Variants in ASIC1 observed in about 807,000 individuals in gnomAD.
ASIC1 encodes the protein acid sensing ion channel subunit 1.
ASIC1 carries 21 observed loss-of-function variants against 63.4 expected under a neutral mutation model. The ratio of observed to expected loss-of-function variants is 0.33; its 90% CI spans 0.23 to 0.48. The LOEUF (loss-of-function observed/expected upper bound fraction) is 0.48, where lower values mean the gene tolerates loss of function less well. Ranked by LOEUF, ASIC1 falls within the 20% of genes least tolerant of loss-of-function variation. The pLI, the probability that ASIC1 is intolerant of heterozygous loss-of-function variation, is 0.99. For missense variants in ASIC1, 478 were observed against 695.5 expected (o/e 0.69, Z 3.52); for synonymous variants, 258 against 278.2 (o/e 0.93, Z 0.72).
At chr12:50,075,411 A>G (rs368402945) in intron 3 of ASIC1, among the ~76,000 whole-genome samples, 2 of 152,210 alleles carry the variant, frequency 1.3e-5, no homozygotes, top group Non-Finnish European at 2.9e-5. Context: ...GGCGCAAGAC[A>G]GGGCTGCTAG....
chr12:50,073,660 G>T (rs1053497326), intron 3 of ASIC1: 1 of 1,536,278 alleles, frequency 6.5e-7, no homozygotes, highest in African/African-American at 1.4e-5. Flanking sequence ...AGATATTTGG[G>T]GTCCCCACCA....
At chr12:50,070,214 A>G (rs965490277) in intron 3 of ASIC1, among the ~76,000 whole-genome samples, 4 of 152,182 alleles carry the variant, frequency 2.6e-5, no homozygotes, top group Non-Finnish European at 5.9e-5. Context: ...GCACCTCTCC[A>G]GGGGCCCTCT....
At chr12:50,070,355 GGT>G (rs139562888) in intron 3 of ASIC1, among the ~76,000 whole-genome samples, 2 of 151,694 alleles carry the variant, frequency 1.3e-5, no homozygotes, top group Non-Finnish European at 1.5e-5. Context: ...CATGCAGTTG[GGT>G]GTGTGTGTGT....
At chr12:50,062,550 C>T (rs927524075) in intron 3 of ASIC1, among the ~76,000 whole-genome samples, 2 of 152,220 alleles carry the variant, frequency 1.3e-5, no homozygotes, top group Non-Finnish European at 2.9e-5. Flanking sequence ...GGGCCCCATC[C>T]AACAGGATTG....
rs1950629100 is a variant in ASIC1 at position 50,074,141 on chromosome 12, T to C, written c.559-3072T>C. ...CCTGAGGCCTTCTCTGGGGAGCCCT[T>C]TAACCTGCACCGCTTCTACAATCGC... On this transcript the variant is annotated intron_variant, in intron 3 of 11. Transcript: ENST00000447966. The surrounding 1 kb of genome is among the most constrained non-coding windows in gnomAD (Gnocchi z 4.2). 6.5e-7 allele frequency: 1 copy of C among 1,535,590 alleles called. No individual in the cohort carries two copies. Among genetic ancestry groups the C allele is most frequent in the Admixed American group, 2.0e-5 (1 of 50,952 alleles).
chr12:50,081,348 A>T lies in ASIC1; in HGVS notation c.1466A>T (p.Asp489Val). 6.2e-7 allele frequency: 1 copy of T among 1,605,986 alleles called. No individual in the cohort carries two copies. Among genetic ancestry groups the T allele is most frequent in the Non-Finnish European group, 8.5e-7 (1 of 1,176,344 alleles). The change falls in exon 11 of 12, where the codon GAC becomes GTC. Residue 489 changes from aspartate (D) to valine (V), a missense_variant. By Grantham distance (152) the Asp-to-Val change is radical. Transcript: ENST00000447966. The part of the protein sequence containing the change: ...SADKGVALSL[D>V]DVKRHNPCES... ...GACAAGGGCGTGGCCCTCAGCCTGGACGACGTCAAAAGACACGTGAGGGAG... is the reference window on the plus strand; with the variant it reads ...GACAAGGGCGTGGCCCTCAGCCTGGTCGACGTCAAAAGACACGTGAGGGAG...
At chr12:50,073,829 A>C in intron 3 of ASIC1, 1 of 1,531,154 alleles carries the variant, frequency 6.5e-7, no homozygotes. Context: ...ATTTTTGTGG[A>C]GGGGGGTCCA....
At chr12:50,067,410 G>GTTTTTTTTTTTTTTTTTTTTT (rs35238318) in intron 3 of ASIC1, among the ~76,000 whole-genome samples, 1 of 134,200 alleles carries the variant, frequency 7.5e-6, no homozygotes. Context: ...TTCTGCTGTT[G>GTTTTTTTTTTTTTTTTTTTTT]TTTTTTTTTT....
chr12:50,080,607 C>A lies in ASIC1; in HGVS notation c.1297+18C>A, dbSNP rs748304212. 2.5e-6 allele frequency: 4 copies of A among 1,614,212 alleles called. No individual in the cohort carries two copies. The highest frequency in any genetic ancestry group is 3.4e-6 in the Non-Finnish European group (4 of 1,180,034). Reference sequence around the variant, plus strand: ...GCTCCTGGGTGAGCTGCTGATGACACCTGTCCCCTTCTCATGCCATGGGCA... The same window carrying A: ...GCTCCTGGGTGAGCTGCTGATGACAACTGTCCCCTTCTCATGCCATGGGCA... On this transcript the variant is annotated intron_variant, in intron 9 of 11. Transcript: ENST00000447966.
Position 50,078,672 on chromosome 12 carries a change from C to A in ASIC1, c.994+95C>A. On this transcript the variant is annotated intron_variant, in intron 6 of 11. Coordinates refer to ENST00000447966, the MANE Select transcript of ASIC1 (RefSeq NM_001095.4). The surrounding 1 kb of genome is among the most constrained non-coding windows in gnomAD (Gnocchi z 6.0). ...CCATATCAATCTCCCAACCCCAGTT[C>A]CAGCCCACCCCATCCCACACCCACC... 1 of 1,542,814 alleles carries A rather than the reference C, an allele frequency of 6.5e-7. No homozygotes were observed. Among genetic ancestry groups the A allele is most frequent in the South Asian group, 1.2e-5 (1 of 85,430 alleles).
intron 3 of ASIC1, among the ~76,000 whole-genome samples, chr12:50,070,407 C>CGT (rs139101187): frequency 3.2e-4 from 48 of 149,522 alleles, no homozygotes; most frequent in Non-Finnish European, 5.8e-4. Context: ...TGTGTTGGGG[C>CGT]GTGTGTGTGT....
Position 50,081,585 on chromosome 12 carries a change from C to A in ASIC1, c.1523C>A (p.Thr508Lys), listed in dbSNP as rs765439919. The A allele has an allele frequency of 1.8e-5, 29 of 1,614,052 alleles. No individual in the cohort carries two copies. Among genetic ancestry groups the A allele is most frequent in the Non-Finnish European group, 2.3e-5 (27 of 1,180,026 alleles). Residue 508 changes from threonine (T) to lysine (K), a missense_variant, in exon 12 of 12, where the codon ACA (threonine) becomes AAA (lysine). Thr to Lys is a moderately conservative substitution (Grantham distance 78). Transcript: ENST00000447966. Reference protein sequence around the residue: ...ESLRGHPAGMTYAANILPHHP... With the variant: ...ESLRGHPAGMKYAANILPHHP... The stretch of plus-strand genomic sequence containing the variant: ...CTTCGGGGCCACCCTGCCGGGATGA[C>A]ATACGCTGCCAACATCCTACCTCAC...
rs1267210505 is a variant in ASIC1 at position 50,059,269 on chromosome 12, G to A, written c.362+141G>A. On this transcript the variant is annotated intron_variant, in intron 2 of 11. Coordinates refer to ENST00000447966, the MANE Select transcript of ASIC1 (RefSeq NM_001095.4). The surrounding 1 kb of genome is among the most constrained non-coding windows in gnomAD (Gnocchi z 4.6). Reference sequence around the variant, plus strand: ...CCCACCCCCAAACCTGCCACTCACAGCAGAGGAGTTAGGGTGCTGCTGAGC... The same window carrying A: ...CCCACCCCCAAACCTGCCACTCACAACAGAGGAGTTAGGGTGCTGCTGAGC... The A allele has an allele frequency of 2.4e-6, 3 of 1,260,668 alleles. No individual in the cohort carries two copies. The highest frequency in any genetic ancestry group is 3.2e-6 in the Non-Finnish European group (3 of 928,666). 78.1% of individuals were successfully genotyped at this position (1,260,668 alleles called of 1,614,324 possible).
chr12:50,073,428 C>T, intron 3 of ASIC1: 1 of 1,391,746 alleles, frequency 7.2e-7, no homozygotes, highest in East Asian at 2.5e-5. Flanking sequence ...GCCACAGAGG[C>T]CCTGGTGAGG....
intron 3 of ASIC1, among the ~76,000 whole-genome samples, chr12:50,067,538 T>TAGCTGGATTAC (rs1950557716): frequency 6.6e-6 from 1 of 151,872 alleles, no homozygotes; most frequent in Non-Finnish European, 1.5e-5. Context: ...GCCTCCTGAG[T>TAGCTGGATTAC]AGCTGGATTA....
At chr12:50,076,683 CT>C (rs1950658405) in intron 3 of ASIC1, 2 of 232,692 alleles carry the variant, frequency 8.6e-6, no homozygotes, top group South Asian at 5.4e-5. Context: ...TAATTGAAGA[CT>C]TTAACAAAGG....
At position 50,074,745 on chromosome 12, in the gene ASIC1, A is replaced by G. The variant is rs987549812; in HGVS notation, c.559-2468A>G. On this transcript the variant is annotated intron_variant, in intron 3 of 11. Transcript: ENST00000447966. The surrounding 1 kb of genome is among the most constrained non-coding windows in gnomAD (Gnocchi z 4.2). ...AGGGTGACAGTAGAGGGGTGGGGAT[A>G]TCCCCCAACCCCACCCCACCATGGC... Among the ~76,000 whole-genome samples, 31 of 151,908 alleles carry G rather than the reference A, an allele frequency of 2.0e-4. No individual in the cohort carries two copies. Among genetic ancestry groups the G allele is most frequent in the African/African-American group, 7.5e-4 (31 of 41,332 alleles).
intron 1 of ASIC1, 113 bp downstream of exon 1, chr12:50,058,029 G>T (rs932737564): frequency 6.6e-6 from 1 of 152,164 alleles, no homozygotes; most frequent in African/African-American, 2.4e-5. Flanking sequence ...GGCTGGGGAG[G>T]GGGGCGGGGG....
chr12:50,079,843 G>A, intron 7 of ASIC1, 59 bp from the exon 8 acceptor site: 1 of 1,540,576 alleles, frequency 6.5e-7, no homozygotes, highest in Non-Finnish European at 8.8e-7. Flanking sequence ...ATGTGCATGT[G>A]GGAAGGTGCT....
Sources: allele counts gnomAD v4.1 joint callset (sites outside exome capture counted in the v4.1 genomes callset), GRCh38; gene constraint gnomAD v4.1.1; non-coding constraint Gnocchi (gnomAD v3.1); transcripts MANE v1.5; gene names NCBI Gene and HGNC (gene_info 2026-07-23, HGNC 2026-07-21).